Variants in TEX15 observed in about 807,000 individuals in gnomAD.
TEX15 encodes the protein testis expressed 15, meiosis and synapsis associated.
In TEX15, 171 loss-of-function variants were observed where a neutral mutation model predicts 237.3. That is an observed-to-expected ratio of 0.72 (90% CI 0.64 to 0.82). The LOEUF (loss-of-function observed/expected upper bound fraction) is 0.82. TEX15 is among the 40% of genes least tolerant of loss of function. TEX15 has a pLI of 0.00. For missense variants in TEX15, 3,750 were observed against 3,646.5 expected (o/e 1.03, Z -0.73); for synonymous variants, 1,338 against 1,269.8 (o/e 1.05, Z -1.14).
intron 7 of TEX15, among the ~76,000 whole-genome samples, chr8:30,857,808 G>T (rs1807942858): frequency 6.6e-6 from 1 of 151,914 alleles, no homozygotes; most frequent in African/African-American, 2.4e-5. Context: ...CATTAATTAG[G>T]GAAAAACAAG....
intron 9 of TEX15, among the ~76,000 whole-genome samples, chr8:30,839,240 C>T (rs949401251): frequency 4.6e-5 from 7 of 152,126 alleles, no homozygotes; most frequent in Non-Finnish European, 8.8e-5. Flanking sequence ...CTGGAATTCA[C>T]ATATCCCACT....
At chr8:30,912,842 A>T (rs985749039) in intron 1 of TEX15, 37 bp downstream of exon 1, 5 of 152,328 alleles carry the variant, frequency 3.3e-5, no homozygotes, top group African/African-American at 1.2e-4. Context: ...ACTAGCTGCT[A>T]ACCCTCCTCT....
rs373360661 is a variant in TEX15, at chr8:30,845,803, C to A, written c.4364G>T (p.Arg1455Leu). Residue 1455 changes from arginine to leucine, a missense_variant, in exon 8 of 11, where the codon CGG becomes CTG. By Grantham distance (102) the Arg-to-Leu change is moderately radical. Coordinates refer to ENST00000643185, the MANE Select transcript of TEX15 (RefSeq NM_001350162.2). ...AGCTTTTGGAGCTCTTTTCTTTCTC[C>A]GTTTGTCATATTTTCTTTTTGACGA... ...HFSSKRKYDK[R>L]RKKRAPKADI... 9.9e-6 allele frequency: 16 copies of A among 1,609,144 alleles called. No homozygotes were observed. Among genetic ancestry groups the A allele is most frequent in the Non-Finnish European group, 1.4e-5 (16 of 1,178,728 alleles).
chr8:30,897,128 C>G (rs1473621273), intron 2 of TEX15, among the ~76,000 whole-genome samples: 1 of 152,180 alleles, frequency 6.6e-6, no homozygotes, highest in Non-Finnish European at 1.5e-5. Context: ...ATAAAATATT[C>G]TGAACAAGAA....
chr8:30,868,193 A>C (rs1207990038), intron 4 of TEX15, among the ~76,000 whole-genome samples: 1 of 152,052 alleles, frequency 6.6e-6, no homozygotes, highest in Non-Finnish European at 1.5e-5. Flanking sequence ...ATTAGGAATC[A>C]ACCTCAAAAA....
At chr8:30,888,548 C>T (rs79901147) in intron 2 of TEX15, 50 of 1,116,642 alleles carry the variant, frequency 4.5e-5, no homozygotes, top group Admixed American at 3.5e-4. Context: ...GATTCTTAAC[C>T]TCTTTAAGTA....
At position 30,842,942 on chromosome 8, in the gene TEX15, G is replaced by C; in HGVS notation, c.7225C>G (p.Gln2409Glu). 2.5e-6 allele frequency: 4 copies of C among 1,610,460 alleles called. No individual in the cohort carries two copies. Among genetic ancestry groups the C allele is most frequent in the Non-Finnish European group, 3.4e-6 (4 of 1,178,578 alleles). The change falls in exon 8 of 11, where the codon CAA becomes GAA. Residue 2409 changes from glutamine (Q) to glutamate (E), a missense_variant. Transcript: ENST00000643185. Reference protein sequence around the residue: ...EILKKYFQMLQDNNMDNIFIT... With the variant: ...EILKKYFQMLEDNNMDNIFIT... ...AAAATATTATCCATGTTATTATCTT[G>C]TAGCATCTGAAAGTATTTTTTTAAA... is the stretch of plus-strand genomic sequence containing the variant.
At chr8:30,879,892 T>C (rs983095218) in intron 3 of TEX15, among the ~76,000 whole-genome samples, 4 of 151,630 alleles carry the variant, frequency 2.6e-5, no homozygotes, top group Non-Finnish European at 5.9e-5. Flanking sequence ...TTTTAATCCA[T>C]GAGCACACTA....
chr8:30,885,016 T>G (rs1257261984), intron 3 of TEX15, among the ~76,000 whole-genome samples: 1 of 152,218 alleles, frequency 6.6e-6, no homozygotes, highest in East Asian at 1.9e-4. Flanking sequence ...AAATTTTGTT[T>G]TCCTTTTCAT....
intron 1 of TEX15, among the ~76,000 whole-genome samples, chr8:30,901,954 G>GT (rs1390650696): frequency 1.3e-5 from 2 of 152,186 alleles, no homozygotes; most frequent in African/African-American, 4.8e-5. Context: ...GAAATTACCT[G>GT]TATTTCTGGT....
At chr8:30,872,685 C>G (rs1359892018) in intron 4 of TEX15, among the ~76,000 whole-genome samples, 2 of 151,828 alleles carry the variant, frequency 1.3e-5, no homozygotes, top group Non-Finnish European at 2.9e-5. Context: ...GATCCTGACC[C>G]TGTGTAGCTT....
rs1337487176 is a variant in TEX15, at chr8:30,848,234, T to G, written c.1933A>C (p.Asn645His). The change falls in exon 8 of 11, where the codon AAT becomes CAT. Residue 645 changes from asparagine (N) to histidine (H), a missense_variant. Coordinates refer to ENST00000643185, the MANE Select transcript of TEX15 (RefSeq NM_001350162.2). Reference sequence around the variant, plus strand: ...ATTTTTGTTTCATTAGTGAAATCATTATCAATTTCTTTCCATGAAGTTTGC... The same window carrying G: ...ATTTTTGTTTCATTAGTGAAATCATGATCAATTTCTTTCCATGAAGTTTGC... ...EKQTSWKEID[N>H]DFTNETKISP... 6.2e-7 allele frequency: 1 copy of G among 1,612,500 alleles called. No individual in the cohort carries two copies.
In TEX15 at chr8:30,844,940, G is replaced by C. The variant is rs748956884; in HGVS notation, c.5227C>G (p.Leu1743Val). Residue 1743 changes from leucine (L) to valine (V), a missense_variant, in exon 8 of 11, where the codon CTT becomes GTT. Transcript: ENST00000643185. ...SKSYLDKQRILTVDSFAASST... is the reference protein window; with the variant it reads ...SKSYLDKQRIVTVDSFAASST... The stretch of plus-strand genomic sequence containing the variant: ...GATGCTGCAAAAGAATCTACAGTAA[G>C]AATTCTCTGCTTATCCAAGTAAGAT... The C allele has an allele frequency of 4.3e-6, 7 of 1,613,464 alleles. No individual in the cohort carries two copies. In the East Asian group the frequency reaches 8.9e-5, roughly 21 times the overall value.
chr8:30,872,330 C>G (rs902640111), intron 4 of TEX15, among the ~76,000 whole-genome samples: 1 of 152,094 alleles, frequency 6.6e-6, no homozygotes, highest in African/African-American at 2.4e-5. Context: ...TTAGGTCTCA[C>G]AGTGTCATAG....
intron 1 of TEX15, among the ~76,000 whole-genome samples, chr8:30,903,663 T>C (rs1809045382): frequency 6.6e-6 from 1 of 152,246 alleles, no homozygotes; most frequent in South Asian, 2.1e-4. Flanking sequence ...CCTATCCTTC[T>C]ACAAATCAGC....
rs570547153 is a variant in TEX15, at chr8:30,831,581, C to A, written c.*1705G>T. The A allele has an allele frequency of 6.6e-6, 1 of 151,870 alleles. No homozygotes were observed. Among genetic ancestry groups the A allele is most frequent in the Admixed American group, 6.6e-5 (1 of 15,232 alleles). 9.4% of individuals were successfully genotyped at this position (151,870 alleles called of 1,614,324 possible). ...TATTCCATGTTTTAATATTCTGTCA[C>A]GTACAGATTTTTTAAAAATGTAACT... On this transcript the variant is annotated 3_prime_UTR_variant, in exon 11 of 11. Coordinates refer to ENST00000643185, the MANE Select transcript of TEX15 (RefSeq NM_001350162.2).
chr8:30,881,980 C>T (rs1005020259), intron 3 of TEX15, among the ~76,000 whole-genome samples: 2 of 152,108 alleles, frequency 1.3e-5, no homozygotes, highest in South Asian at 4.1e-4. Context: ...TGAAACACTC[C>T]CTCTTTTCAA....
At chr8:30,853,358 C>T (rs1807831654) in intron 7 of TEX15, among the ~76,000 whole-genome samples, 1 of 152,158 alleles carries the variant, frequency 6.6e-6, no homozygotes, top group African/African-American at 2.4e-5. Context: ...ATGGAACACC[C>T]TGCCTGGCAA....
intron 3 of TEX15, 98 bp downstream of exon 3, chr8:30,887,069 A>C: frequency 8.8e-7 from 1 of 1,141,896 alleles, no homozygotes; most frequent in Non-Finnish European, 1.2e-6. Context: ...GAATTAACCT[A>C]ATTTTATATA....
Sources: allele counts gnomAD v4.1 joint callset (sites outside exome capture counted in the v4.1 genomes callset), GRCh38; gene constraint gnomAD v4.1.1; transcripts MANE v1.5; gene names NCBI Gene and HGNC (gene_info 2026-07-23, HGNC 2026-07-21).